COL6A3: variants seen among roughly 807,000 people sequenced by gnomAD.
COL6A3 encodes the protein collagen type VI alpha 3 chain.
A neutral mutation model predicts 274.1 loss-of-function variants in COL6A3; 137 were observed. That is an observed-to-expected ratio of 0.50 (90% confidence interval 0.44 to 0.58). COL6A3 has a LOEUF of 0.58. Ranked by LOEUF, COL6A3 falls within the 20% of genes least tolerant of loss-of-function variation. The pLI is 0.00. For missense variants in COL6A3, 3,950 were observed against 4,124.9 expected (o/e 0.96, Z 1.16); for synonymous variants, 1,650 against 1,650.6 (o/e 1.00, Z 0.01).
chr2:237,405,295 A>G (rs1017703578), intron 1 of COL6A3, among the ~76,000 whole-genome samples: 3 of 152,082 alleles, frequency 2.0e-5, no homozygotes, highest in Non-Finnish European at 2.9e-5. Context: ...ATATTTGCTG[A>G]TATTTTCGTT....
At chr2:237,329,644 A>G (rs1700120334) in intron 42 of COL6A3, 1 of 152,194 alleles carries the variant, frequency 6.6e-6, no homozygotes, top group Non-Finnish European at 1.5e-5. Flanking sequence ...CCCCAAATAT[A>G]CCATTTTATG....
At chr2:237,335,771 T>C (rs1160548523) in intron 40 of COL6A3, among the ~76,000 whole-genome samples, 1 of 152,220 alleles carries the variant, frequency 6.6e-6, no homozygotes, top group Non-Finnish European at 1.5e-5. Flanking sequence ...AAGAACCAAC[T>C]GCAGCGTTTT....
At position 237,378,897 on chromosome 2, in the gene COL6A3, G is replaced by T. The variant is rs755052076; in HGVS notation, c.2236C>A (p.Leu746Ile). Residue 746 changes from leucine (L) to isoleucine (I), a missense_variant, in exon 6 of 44, where the codon CTC (leucine) becomes ATC (isoleucine). Physicochemically the swap from Leu to Ile is conservative, Grantham distance 5 (BLOSUM62 2). Coordinates refer to ENST00000295550, the MANE Select transcript of COL6A3 (RefSeq NM_004369.4). ...TGCCCAGCTGTGAGCAGAAGCAGGAGCTGCGGCACGTGTTCACGGATCCTG... is the reference window on the plus strand; with the variant it reads ...TGCCCAGCTGTGAGCAGAAGCAGGATCTGCGGCACGTGTTCACGGATCCTG... ...GSRIREHVPQLLLLLTAGQSE... is the reference protein window; with the variant it reads ...GSRIREHVPQILLLLTAGQSE... 4 of 1,614,124 alleles carry T rather than the reference G, an allele frequency of 2.5e-6. No homozygotes were observed. Among genetic ancestry groups the T allele is most frequent in the Non-Finnish European group, 3.4e-6 (4 of 1,180,052 alleles).
intron 39 of COL6A3, 38 bp from the exon 40 acceptor site, chr2:237,336,570 T>A: frequency 1.9e-6 from 3 of 1,603,452 alleles, no homozygotes; most frequent in Non-Finnish European, 2.6e-6. Context: ...TACTTTTACC[T>A]GCTATCTAAA....
At chr2:237,349,592 T>G (rs1412278015) in intron 28 of COL6A3, among the ~76,000 whole-genome samples, 2 of 135,064 alleles carry the variant, frequency 1.5e-5, no homozygotes, top group East Asian at 2.3e-4. Flanking sequence ...AAAGTCACAA[T>G]GGACCGTAGA....
intron 42 of COL6A3, among the ~76,000 whole-genome samples, chr2:237,332,440 C>CCCA (rs1700312431): frequency 6.6e-6 from 1 of 152,076 alleles, no homozygotes; most frequent in Non-Finnish European, 1.5e-5. Context: ...TCTGTCCTGA[C>CCCA]CCACACCTTT....
rs911848582 is a variant in COL6A3 at position 237,368,668 on chromosome 2, A to G, written c.4795T>C (p.Phe1599Leu). The G allele has an allele frequency of 3.1e-6, 5 of 1,613,480 alleles. No individual in the cohort carries two copies. Among genetic ancestry groups the G allele is most frequent in the African/African-American group, 2.7e-5 (2 of 74,708 alleles). Reference protein sequence around the residue: ...DPRLVFTVREFRELPNIEERI... With the variant: ...DPRLVFTVRELRELPNIEERI... ...TCTTCTATGTTGGGAAGCTCTCTGA[A>G]CTCTCGCACTGTGAAGACCAGTCTG... is the stretch of plus-strand genomic sequence containing the variant. The change falls in exon 10 of 44, where the codon TTC (phenylalanine) becomes CTC (leucine). Residue 1599 changes from phenylalanine (F) to leucine (L), a missense_variant. Physicochemically the swap from Phe to Leu is conservative, Grantham distance 22. This residue lies in a region of COL6A3 where 632 missense variants were observed against 623.4 expected (regional missense o/e 1.01). Coordinates refer to ENST00000295550, the MANE Select transcript of COL6A3 (RefSeq NM_004369.4). This position sits in a 1 kb window ranked among gnomAD's most constrained non-coding sequence, Gnocchi z 4.4.
chr2:237,386,283 A>G (rs143628485), intron 4 of COL6A3, among the ~76,000 whole-genome samples: 2 of 152,378 alleles, frequency 1.3e-5, no homozygotes, highest in African/African-American at 4.8e-5. Flanking sequence ...ATAAATAGAT[A>G]GTGATGTTTT....
At chr2:237,345,118 T>A in intron 33 of COL6A3, 24 bp from the exon 34 acceptor site, 1 of 1,614,018 alleles carries the variant, frequency 6.2e-7, no homozygotes, top group Non-Finnish European at 8.5e-7. Context: ...TAAAAGAATA[T>A]GTAAAGAGAG....
chr2:237,398,432 C>A (rs2078507062), intron 1 of COL6A3, among the ~76,000 whole-genome samples: 1 of 152,208 alleles, frequency 6.6e-6, no homozygotes, highest in Non-Finnish European at 1.5e-5. Flanking sequence ...AGCCTCTTCA[C>A]TCTCCAATCT....
chr2:237,367,992 C>T (rs181622785), intron 10 of COL6A3, among the ~76,000 whole-genome samples: 1 of 152,186 alleles, frequency 6.6e-6, no homozygotes. Flanking sequence ...AAGAACCAAC[C>T]CTAATGGTTT....
chr2:237,390,563 T>C (rs2078262423), intron 3 of COL6A3, among the ~76,000 whole-genome samples: 1 of 152,236 alleles, frequency 6.6e-6, no homozygotes, highest in African/African-American at 2.4e-5. Context: ...TTTCTGCTTC[T>C]ATGCTTTATG....
chr2:237,369,741 C>G lies in COL6A3; in HGVS notation c.4286-564G>C, dbSNP rs78995638. Among the ~76,000 whole-genome samples, 6 of 152,350 alleles carry G rather than the reference C, an allele frequency of 3.9e-5. No homozygotes were observed. In the East Asian group the frequency reaches 9.6e-4, roughly 24 times the overall value. On this transcript the variant is annotated intron_variant, in intron 9 of 43. Coordinates refer to ENST00000295550, the MANE Select transcript of COL6A3 (RefSeq NM_004369.4). ...ATCCAAGGGGTCACATTAATGCTCC[C>G]CAGGCATTTGTGCCCTCGTATTTCC...
rs71039760 is a variant in COL6A3, at chr2:237,341,543, T to TAAAAAAAAAA, written c.7766-403_7766-394dup. On this transcript the variant is annotated intron_variant, in intron 37 of 43. Transcript: ENST00000295550. The stretch of plus-strand genomic sequence containing the variant: ...TGGGCAACAAGAGCAAGACTCTGTC[T>TAAAAAAAAAA]AAAAAAAAAAAAAAAAAAAAAAAAA... 3.7e-4 allele frequency among the ~76,000 whole-genome samples: 18 copies of TAAAAAAAAAA among 49,118 alleles called. 1 individual carries two copies. Among genetic ancestry groups the TAAAAAAAAAA allele is most frequent in the African/African-American group, 1.6e-3 (18 of 11,108 alleles). The allele number at this position is 49,118 out of a possible 152,430, so 32.2% of individuals were successfully genotyped here.
intron 7 of COL6A3, 53 bp from the exon 8 acceptor site, chr2:237,375,073 A>T: frequency 1.2e-6 from 2 of 1,607,688 alleles, no homozygotes; most frequent in Non-Finnish European, 1.7e-6. Flanking sequence ...CAGCAATTTC[A>T]TATCAACGAG....
chr2:237,350,161 G>A lies in COL6A3; in HGVS notation c.6865C>T (p.Pro2289Ser), dbSNP rs1160892203. ...GPKGGIGNRG[P>S]RGETGDDGRD... ...TGTGACCTTACCGTCTCCCCACGAG[G>A]GCCCCGGTTCCCGATTCCTCCTTTT... The change falls in exon 28 of 44, where the codon CCT becomes TCT. Residue 2289 changes from proline (P) to serine (S), a missense_variant. Physicochemically the swap from Pro to Ser is moderately conservative, Grantham distance 74. Around this residue, in one of 5 missense-constraint regions of COL6A3, gnomAD observed 1,284 missense variants for 1,349.7 expected, o/e 0.95. Coordinates refer to ENST00000295550, the MANE Select transcript of COL6A3 (RefSeq NM_004369.4). 6.2e-7 allele frequency: 1 copy of A among 1,613,956 alleles called. No individual in the cohort carries two copies. Among genetic ancestry groups the A allele is most frequent in the Admixed American group, 1.7e-5 (1 of 59,990 alleles).
rs756045079 is a variant in COL6A3 at position 237,381,188 on chromosome 2, C to T, written c.1624G>A (p.Gly542Ser). 25 of 1,614,134 alleles carry T rather than the reference C, an allele frequency of 1.5e-5. No individual in the cohort carries two copies. The highest frequency in any genetic ancestry group is 2.7e-5 in the African/African-American group (2 of 74,944). The change falls in exon 5 of 44, where the codon GGC becomes AGC. Residue 542 changes from glycine (G) to serine (S), a missense_variant. By Grantham distance (56) the Gly-to-Ser change is moderately conservative (BLOSUM62 0). Transcript: ENST00000295550. Reference sequence around the variant, plus strand: ...GGAATCCCCTCGGCAGCCCGGTAGCCGGCTGAACTCGTGAATAGGTTGTTA... The same window carrying T: ...GGAATCCCCTCGGCAGCCCGGTAGCTGGCTGAACTCGTGAATAGGTTGTTA... ...VRNNLFTSSA[G>S]YRAAEGIPKL...
intron 24 of COL6A3, 143 bp downstream of exon 24, chr2:237,354,756 C>A (rs1172029570): frequency 2.8e-6 from 2 of 711,354 alleles, no homozygotes; most frequent in Admixed American, 2.8e-5. Flanking sequence ...ATGTCTTTAA[C>A]CTTGGCGAAA....
At chr2:237,339,778 C>T (rs1173405933) in intron 38 of COL6A3, among the ~76,000 whole-genome samples, 1 of 152,188 alleles carries the variant, frequency 6.6e-6, no homozygotes, top group Non-Finnish European at 1.5e-5. Context: ...GCTGCACCTC[C>T]TCAAAGAGCA....
Sources: gnomAD v4.1 joint callset for allele counts (sites outside exome capture counted in the v4.1 genomes callset) on GRCh38, gnomAD v4.1.1 for gene constraint, gnomAD v4.1.1 regional missense constraint, Gnocchi (gnomAD v3.1) non-coding constraint, MANE v1.5 for transcripts, NCBI Gene and HGNC (gene_info 2026-07-23, HGNC 2026-07-21) for gene names.